The following BLACAT1 variants were observed in gnomAD, a reference collection of about 807,000 sequenced individuals.
BLACAT1 encodes the protein bladder cancer associated transcript 1.
At chr1:205,446,247 G>C (rs1408336131) in intron 1 of BLACAT1, among the ~76,000 whole-genome samples, 3 of 152,210 alleles carry the variant, frequency 2.0e-5, no homozygotes, top group African/African-American at 7.2e-5. Flanking sequence ...ACAAAGAATA[G>C]AATGGAGATC....
downstream of BLACAT1, chr1:205,435,942 G>A (rs1317218225): frequency 6.6e-6 from 1 of 152,264 alleles, no homozygotes; most frequent in Non-Finnish European, 1.5e-5. Flanking sequence ...GCCTCTGGGA[G>A]AAGATGCTGT....
Position 205,444,126 on chromosome 1 carries a change from C to G in BLACAT1, c.-36-3064G>C, listed in dbSNP as rs1233296373. Among the ~76,000 whole-genome samples, 3 of 152,234 alleles carry G rather than the reference C, an allele frequency of 2.0e-5. No homozygotes were observed. The South Asian group carries it at 6.2e-4, about 32-fold the overall frequency. ...GAGCTCATCATGGGAACTCCCCTCC[C>G]ATCCTCCCCCTCCTTTTCCATGCCC... On this transcript the variant is annotated intron_variant, in intron 1 of 1. Coordinates refer to ENST00000629624, the Ensembl canonical transcript of BLACAT1.
At chr1:205,443,985 C>T (rs1020233618) in intron 1 of BLACAT1, among the ~76,000 whole-genome samples, 1 of 152,130 alleles carries the variant, frequency 6.6e-6, no homozygotes, top group Non-Finnish European at 1.5e-5. Context: ...TACCCCTTCA[C>T]CCTTGGCAGA....
downstream of BLACAT1, chr1:205,435,737 A>G (rs1291629086): frequency 1.3e-5 from 2 of 152,174 alleles, no homozygotes; most frequent in African/African-American, 4.8e-5. Context: ...ATCCATCCTG[A>G]TTGGCAGCTC....
At chr1:205,438,415 T>C (rs1172629079), downstream of BLACAT1, among the ~76,000 whole-genome samples, 1 of 152,222 alleles carries the variant, frequency 6.6e-6, no homozygotes, top group Non-Finnish European at 1.5e-5. Flanking sequence ...AGCAGAAGCC[T>C]GGCCCGAAGT....
chr1:205,452,504 A>T (rs1398888149), intron 1 of BLACAT1, among the ~76,000 whole-genome samples: 1 of 152,234 alleles, frequency 6.6e-6, no homozygotes, highest in Admixed American at 6.5e-5. Flanking sequence ...ATCATCAAAC[A>T]TAGGGTGCAC....
intron 1 of BLACAT1, among the ~76,000 whole-genome samples, chr1:205,444,743 A>C (rs1327649887): frequency 3.3e-5 from 5 of 152,142 alleles, no homozygotes; most frequent in African/African-American, 1.2e-4. Context: ...GTGGAAGGCT[A>C]GGAAGCTATT....
chr1:205,452,417 G>T (rs1182174143), intron 1 of BLACAT1, among the ~76,000 whole-genome samples: 1 of 152,180 alleles, frequency 6.6e-6, no homozygotes, highest in Admixed American at 6.5e-5. Context: ...GGCCAGGGGG[G>T]CAAACTGGGC....
At chr1:205,447,691 G>T (rs1160635021) in intron 1 of BLACAT1, among the ~76,000 whole-genome samples, 1 of 152,012 alleles carries the variant, frequency 6.6e-6, no homozygotes, top group Non-Finnish European at 1.5e-5. Context: ...CGCAGGAGGG[G>T]GCAGCTCCTG....
downstream of BLACAT1, chr1:205,436,929 T>A (rs1400951353): frequency 6.6e-6 from 1 of 152,074 alleles, no homozygotes; most frequent in Non-Finnish European, 1.5e-5. Context: ...TCCTGTGAGG[T>A]AGGGAGGAAA....
chr1:205,449,971 C>G (rs1384361023), intron 1 of BLACAT1: 1 of 152,704 alleles, frequency 6.5e-6, no homozygotes, highest in Non-Finnish European at 1.5e-5. Context: ...CCACTCACCC[C>G]GAGAAGCTCC....
chr1:205,446,417 C>G (rs946032978), intron 1 of BLACAT1, among the ~76,000 whole-genome samples: 8 of 152,354 alleles, frequency 5.3e-5, no homozygotes, highest in South Asian at 2.1e-4. Context: ...CTTCATTCAA[C>G]AAACATTTAC....
rs566165309 is a variant in BLACAT1 at position 205,441,479 on chromosome 1, C to G, written c.-36-417G>C. Among the ~76,000 whole-genome samples the G allele has an allele frequency of 6.6e-6, 1 of 152,316 alleles. No homozygotes were observed. The highest frequency in any genetic ancestry group is 2.1e-4 in the South Asian group (1 of 4,830). On this transcript the variant is annotated intron_variant, in intron 1 of 1. Transcript: ENST00000629624. This position sits in a 1 kb window ranked among gnomAD's most constrained non-coding sequence, Gnocchi z 4.3. ...CAGGTTCTAGCTGGGGGCTTCCACT[C>G]GCTTCTGCAGGTTGCACACACGACA... is the stretch of plus-strand genomic sequence containing the variant.
In BLACAT1 at chr1:205,448,637, A is replaced by G. The variant is rs1180151527; in HGVS notation, c.-37+7280T>C. ...CACACAATGGTCCTCACTCCAGGGTATGAGGAGGGGTGGCTTCCTGGCCAT... is the reference window on the plus strand; with the variant it reads ...CACACAATGGTCCTCACTCCAGGGTGTGAGGAGGGGTGGCTTCCTGGCCAT... On this transcript the variant is annotated intron_variant, in intron 1 of 1. Coordinates refer to ENST00000629624, the Ensembl canonical transcript of BLACAT1. This position sits in a 1 kb window ranked among gnomAD's most constrained non-coding sequence, Gnocchi z 4.7. Among the ~76,000 whole-genome samples the G allele has an allele frequency of 1.3e-5, 2 of 151,788 alleles. No individual in the cohort carries two copies. Among genetic ancestry groups the G allele is most frequent in the African/African-American group, 4.8e-5 (2 of 41,420 alleles).
chr1:205,440,945 C>T (rs1666283770), exon 2 of BLACAT1: 1 of 152,422 alleles, frequency 6.6e-6, no homozygotes, highest in Admixed American at 6.5e-5. Flanking sequence ...GTCTCCCGCT[C>T]TCTGTGAACT....
chr1:205,454,897 C>A (rs999848488), intron 1 of BLACAT1, among the ~76,000 whole-genome samples: 3 of 151,856 alleles, frequency 2.0e-5, no homozygotes, highest in Non-Finnish European at 4.4e-5. Context: ...AAGATTAAAT[C>A]AGACCAAAAG....
intron 1 of BLACAT1, among the ~76,000 whole-genome samples, chr1:205,445,092 C>T (rs1391768094): frequency 1.3e-5 from 2 of 152,030 alleles, no homozygotes; most frequent in Admixed American, 6.6e-5. Context: ...CTTAGGAGAC[C>T]GGATTTGGGG....
chr1:205,454,145 C>T (rs143017755), intron 1 of BLACAT1, among the ~76,000 whole-genome samples: 1 of 152,192 alleles, frequency 6.6e-6, no homozygotes, highest in Non-Finnish European at 1.5e-5. Flanking sequence ...CGAGCACAGA[C>T]AGTGGGATGG....
downstream of BLACAT1, among the ~76,000 whole-genome samples, chr1:205,438,924 C>T (rs912244953): frequency 1.5e-4 from 23 of 152,188 alleles, no homozygotes; most frequent in African/African-American, 5.5e-4. Flanking sequence ...TCCTCGGCCA[C>T]CCGCTCCCCA....
Sources: gnomAD v4.1 joint callset for allele counts (sites outside exome capture counted in the v4.1 genomes callset) on GRCh38, gnomAD v4.1.1 for gene constraint, Gnocchi (gnomAD v3.1) non-coding constraint, MANE v1.5 for transcripts, NCBI Gene and HGNC (gene_info 2026-07-23, HGNC 2026-07-21) for gene names.